The following CELSR1 variants were observed in gnomAD, a reference collection of about 807,000 sequenced individuals.
CELSR1 encodes cadherin EGF LAG seven-pass G-type receptor 1.
In CELSR1, 110 loss-of-function variants were observed where a neutral mutation model predicts 249.1. The ratio of observed to expected loss-of-function variants is 0.44; its 90% CI spans 0.38 to 0.52. The LOEUF (loss-of-function observed/expected upper bound fraction) is 0.52, where lower values mean the gene tolerates loss of function less well. Ranked by LOEUF, CELSR1 falls within the 20% of genes least tolerant of loss-of-function variation. The probability of loss-of-function intolerance (pLI) is 0.00; values close to 1 mark genes in which losing one functional copy is unlikely to be tolerated. For synonymous variants in CELSR1, 2,113 were observed against 1,900.0 expected, an observed-to-expected ratio of 1.11 and a Z score of -2.92; for missense variants, 4,109 against 4,296.4, an observed-to-expected ratio of 0.96 and a Z score of 1.22.
chr22:46,452,341 G>A lies in CELSR1; in HGVS notation c.4183+11366C>T, dbSNP rs1165289465. Among the ~76,000 whole-genome samples the A allele has an allele frequency of 3.6e-4, 55 of 152,226 alleles. 2 individuals carry two copies. The highest frequency in any genetic ancestry group is 3.6e-3 in the Admixed American group (55 of 15,288). On this transcript the variant is annotated intron_variant, in intron 2 of 34. Transcript: ENST00000674500. ...GCCAGGGCTCTTATGGCACCGGGAAGACAGCGGCATGAGGACCCAGTGTGC... is the reference window on the plus strand; with the variant it reads ...GCCAGGGCTCTTATGGCACCGGGAAAACAGCGGCATGAGGACCCAGTGTGC...
intron 2 of CELSR1, among the ~76,000 whole-genome samples, chr22:46,458,779 T>C (rs976644932): frequency 6.6e-6 from 1 of 152,234 alleles, no homozygotes; most frequent in Non-Finnish European, 1.5e-5. Context: ...GGATGACAAC[T>C]GTCCCACCTC....
intron 1 of CELSR1, among the ~76,000 whole-genome samples, chr22:46,469,063 G>C (rs1443833315): frequency 4.6e-5 from 7 of 152,136 alleles, no homozygotes; most frequent in Admixed American, 1.3e-4. Context: ...GGGACAGAGA[G>C]AGGCTCTGTC....
At chr22:46,368,980 TCCCCTCAGCTAACCTCCCC>T (rs2078819279) in intron 27 of CELSR1, among the ~76,000 whole-genome samples, 180 bp downstream of exon 27, 5 of 137,750 alleles carry the variant, frequency 3.6e-5, no homozygotes, top group African/African-American at 1.1e-4. Flanking sequence ...TCCAGCCCCC[TCCCCTCAGCTAACCTCCCC>T]CAGCCCCTGC....
rs530774082 is a variant in CELSR1 at position 46,388,847 on chromosome 22, GTGGACATGGGGGCC to G, written c.6555+429_6555+442del. ...CAGGACCTCAGAGCTGCGGGTGGGA[GTGGACATGGGGGCC>G]CACTGCCGGGCCCTGCCCCTTACAA... On this transcript the variant is annotated intron_variant, in intron 18 of 34. Coordinates refer to ENST00000674500, the MANE Select transcript of CELSR1 (RefSeq NM_001378328.1). 2.2e-4 allele frequency among the ~76,000 whole-genome samples: 33 copies of G among 152,366 alleles called. No homozygotes were observed. In the East Asian group the frequency reaches 6.0e-3, roughly 28 times the overall value.
chr22:46,462,695 C>A, intron 2 of CELSR1: 3 of 253,526 alleles, frequency 1.2e-5, no homozygotes, highest in South Asian at 3.6e-5. Flanking sequence ...CCATTGTAAA[C>A]TCGCTTATCA....
Position 46,367,939 on chromosome 22 carries a change from C to G in CELSR1, c.7953-84G>C, listed in dbSNP as rs1048500300. On this transcript the variant is annotated intron_variant, in intron 27 of 34. Coordinates refer to ENST00000674500, the MANE Select transcript of CELSR1 (RefSeq NM_001378328.1). ...CCCTCTCTGCACGTCCACCTGTCCA[C>G]CTGCCTGCCCGTCCGCCCATCTATC... 30 of 1,487,628 alleles carry G rather than the reference C, an allele frequency of 2.0e-5. No homozygotes were observed. In the African/African-American group the frequency reaches 4.0e-4, roughly 20 times the overall value. 92.2% of individuals were successfully genotyped at this position (1,487,628 alleles called of 1,614,324 possible).
chr22:46,503,447 G>GC (rs1403187844), intron 1 of CELSR1, among the ~76,000 whole-genome samples: 2 of 152,152 alleles, frequency 1.3e-5, no homozygotes, highest in African/African-American at 4.8e-5. Flanking sequence ...CACAGGGGAG[G>GC]CCCCTACAGC....
Position 46,533,922 on chromosome 22 carries a change from G to A in CELSR1, c.3249C>T (p.Ser1083=). 1 of 1,613,022 alleles carries A rather than the reference G, an allele frequency of 6.2e-7. No individual in the cohort carries two copies. The highest frequency in any genetic ancestry group is 1.1e-5 in the South Asian group (1 of 91,084). Reference sequence around the variant, plus strand: ...CGAGAAGGATGTGCACCGTGGCTCGGCTCACCAGCGGAGCCGACGTGGCCT... The same window carrying A: ...CGAGAAGGATGTGCACCGTGGCTCGACTCACCAGCGGAGCCGACGTGGCCT... The part of the protein sequence containing the change: ...VVQATSAPLV[S]RATVHILLVD... Residue 1083 remains serine (S), a synonymous_variant, in exon 1 of 35, where the codon AGC becomes AGT. Transcript: ENST00000674500.
chr22:46,476,670 G>A (rs912511174), intron 1 of CELSR1, among the ~76,000 whole-genome samples: 1 of 151,360 alleles, frequency 6.6e-6, no homozygotes, highest in Admixed American at 6.6e-5. Flanking sequence ...TCCGCCAAGT[G>A]AAAGAAGCCA....
In CELSR1 at chr22:46,439,394, C is replaced by T; in HGVS notation, c.4201G>A (p.Asp1401Asn). The T allele has an allele frequency of 6.2e-7, 1 of 1,613,146 alleles. No homozygotes were observed. Among genetic ancestry groups the T allele is most frequent in the Non-Finnish European group, 8.5e-7 (1 of 1,179,882 alleles). ...TTGGCACAGCGGCCTGAGCGGGCAT[C>T]CACCTCACAGTGCTCTCCTGGGGGG... ...EDFTGEHCEV[D>N]ARSGRCANGV... is the part of the protein sequence containing the mutation. The change falls in exon 3 of 35, where the codon GAT (aspartate) becomes AAT (asparagine). Residue 1401 changes from aspartate to asparagine, a missense_variant. By Grantham distance (23) the Asp-to-Asn change is conservative. Around this residue, in one of 7 missense-constraint regions of CELSR1, gnomAD observed 453 missense variants for 492.0 expected, o/e 0.92. Transcript: ENST00000674500.
At chr22:46,369,659 G>A (rs888193657) in intron 26 of CELSR1, 33 bp downstream of exon 26, 1 of 1,590,130 alleles carries the variant, frequency 6.3e-7, no homozygotes. Context: ...CATGTTTGGG[G>A]CACCCGGACT....
rs887173154 is a variant in CELSR1, at chr22:46,488,110, T to A, written c.3545-23765A>T. On this transcript the variant is annotated intron_variant, in intron 1 of 34. Transcript: ENST00000674500. The surrounding 1 kb of genome is among the most constrained non-coding windows in gnomAD (Gnocchi z 4.7). ...CCAGTGGAGGCACGGGGAGGGGTCC[T>A]GCCCTGCACCTCAGTTTCAGGGGAG... is the stretch of plus-strand genomic sequence containing the variant. Among the ~76,000 whole-genome samples the A allele has an allele frequency of 4.0e-5, 6 of 151,790 alleles. No individual in the cohort carries two copies. Among genetic ancestry groups the A allele is most frequent in the African/African-American group, 1.5e-4 (6 of 41,264 alleles).
chr22:46,535,807 T>C lies in CELSR1; in HGVS notation c.1364A>G (p.Asn455Ser), dbSNP rs1337583716. Reference sequence around the variant, plus strand: ...GTTCTGCTCGCTGAACTGGGGGTAGTTGTCGTTCTCGTCCTCCACCTCGAT... The same window carrying C: ...GTTCTGCTCGCTGAACTGGGGGTAGCTGTCGTTCTCGTCCTCCACCTCGAT... The part of the protein sequence containing the change: ...VYIEVEDEND[N>S]YPQFSEQNYV... Residue 455 changes from asparagine to serine, a missense_variant, in exon 1 of 35, where the codon AAC becomes AGC. Transcript: ENST00000674500. The C allele has an allele frequency of 1.7e-5, 27 of 1,612,248 alleles. No individual in the cohort carries two copies. Among genetic ancestry groups the C allele is most frequent in the East Asian group, 2.2e-5 (1 of 44,874 alleles).
chr22:46,380,850 G>C lies in CELSR1; in HGVS notation c.7194C>G (p.Phe2398Leu). The change falls in exon 22 of 35, where the codon TTC becomes TTG. Residue 2398 changes from phenylalanine (F) to leucine (L), a missense_variant. Phe to Leu is a conservative substitution (Grantham distance 22). Transcript: ENST00000674500. This position sits in a 1 kb window ranked among gnomAD's most constrained non-coding sequence, Gnocchi z 5.1. The stretch of plus-strand genomic sequence containing the variant: ...TTCGCTCCTCCACCTCCAGCAGGGC[G>C]AACTCCACCAGGACGGGCCTCTCCA... ...RPLERPVLVE[F>L]ALLEVEERTK... 3.7e-6 allele frequency: 6 copies of C among 1,612,400 alleles called. No homozygotes were observed. The highest frequency in any genetic ancestry group is 5.1e-6 in the Non-Finnish European group (6 of 1,179,860).
intron 5 of CELSR1, among the ~76,000 whole-genome samples, chr22:46,415,918 A>G (rs1209723573): frequency 6.6e-6 from 1 of 152,188 alleles, no homozygotes; most frequent in African/African-American, 2.4e-5. Flanking sequence ...ATTTTTGTCA[A>G]AGGAAGACAA....
rs1327833593 is a variant in CELSR1 at position 46,534,906 on chromosome 22, C to T, written c.2265G>A (p.Glu755=). Residue 755 remains glutamate (E), a synonymous_variant, in exon 1 of 35, where the codon GAG becomes GAA. Transcript: ENST00000674500. The surrounding 1 kb of genome is among the most constrained non-coding windows in gnomAD (Gnocchi z 9.7). The part of the protein sequence containing the change: ...TLALPLDYKQ[E]QQYVLAVTAS... ...CTGTCACCGCCAGCACGTACTGCTG[C>T]TCCTGCTTGTAGTCCAGAGGTAGCG... The T allele has an allele frequency of 6.2e-7, 1 of 1,612,646 alleles. No homozygotes were observed. Among genetic ancestry groups the T allele is most frequent in the Non-Finnish European group, 8.5e-7 (1 of 1,180,016 alleles).
chr22:46,470,873 C>T (rs1029539724), intron 1 of CELSR1, among the ~76,000 whole-genome samples: 3 of 152,112 alleles, frequency 2.0e-5, no homozygotes, highest in African/African-American at 4.8e-5. Context: ...ACCTGTAATC[C>T]CAGCACTTTG....
intron 1 of CELSR1, among the ~76,000 whole-genome samples, chr22:46,531,483 G>T (rs5768915): frequency 0.4 from 61,465 of 152,090 alleles, 15,482 homozygotes; most frequent in African/African-American, 0.72. Context: ...TGGGATTACA[G>T]GCATGAGCCA....
intron 24 of CELSR1, among the ~76,000 whole-genome samples, chr22:46,375,503 C>G (rs140439226): frequency 6.6e-6 from 1 of 151,300 alleles, no homozygotes; most frequent in African/African-American, 2.4e-5. Flanking sequence ...TCAGACTGCT[C>G]TGATCTTCTG....
Sources: gnomAD v4.1 joint callset for allele counts (sites outside exome capture counted in the v4.1 genomes callset) on GRCh38, gnomAD v4.1.1 for gene constraint, gnomAD v4.1.1 regional missense constraint, Gnocchi (gnomAD v3.1) non-coding constraint, MANE v1.5 for transcripts, NCBI Gene and HGNC (gene_info 2026-07-23, HGNC 2026-07-21) for gene names.